Variants in BICD1 observed in about 807,000 individuals in gnomAD.
BICD1 encodes BICD cargo adaptor 1.
Under a neutral mutation model 92.5 loss-of-function variants are expected in BICD1, and 35 were observed. The observed-to-expected ratio is 0.38, with a 90% CI of 0.29 to 0.50. BICD1 has a LOEUF of 0.50. Among genes scored for constraint, BICD1 ranks in the 20% least tolerant of loss-of-function variants. BICD1 has a pLI of 0.93. For missense variants in BICD1, 950 were observed against 1,189.8 expected, an observed-to-expected ratio of 0.80 and a Z score of 2.97; for synonymous variants, 429 against 465.1, an observed-to-expected ratio of 0.92 and a Z score of 1.00.
chr12:32,357,411 T>C (rs888803478), intron 8 of BICD1, among the ~76,000 whole-genome samples: 1 of 152,162 alleles, frequency 6.6e-6, no homozygotes, highest in African/African-American at 2.4e-5. Context: ...ACTCTTGGAT[T>C]GCTTAATTTT....
At chr12:32,153,232 T>C (rs1428204566) in intron 1 of BICD1, among the ~76,000 whole-genome samples, 1 of 152,232 alleles carries the variant, frequency 6.6e-6, no homozygotes. Context: ...TCTATGTTGC[T>C]GCAAAGGACA....
chr12:32,253,043 C>T (rs1175182425), intron 2 of BICD1, among the ~76,000 whole-genome samples: 1 of 151,986 alleles, frequency 6.6e-6, no homozygotes, highest in African/African-American at 2.4e-5. Flanking sequence ...CCACCGCACC[C>T]AGGTAATTTT....
chr12:32,328,486 A>G lies in BICD1; in HGVS notation c.2031A>G (p.Leu677=). The G allele has an allele frequency of 6.2e-7, 1 of 1,614,208 alleles. No individual in the cohort carries two copies. The change falls in exon 5 of 10, where the codon CTA becomes CTG. Residue 677 remains leucine, a synonymous_variant. Coordinates refer to ENST00000652176, the MANE Select transcript of BICD1 (RefSeq NM_001714.4). The surrounding 1 kb of genome is among the most constrained non-coding windows in gnomAD (Gnocchi z 4.4). ...CCTTAATGGAAGAGATCCTCAAGCT[A>G]AAGTCCCTGCTGAGCACCAAACGGG... The part of the protein sequence containing the change: ...KEALMEEILK[L]KSLLSTKREQ...
chr12:32,218,369 G>A (rs1273940840), intron 2 of BICD1, among the ~76,000 whole-genome samples: 2 of 152,136 alleles, frequency 1.3e-5, no homozygotes, highest in African/African-American at 2.4e-5. Flanking sequence ...CCATGAACAC[G>A]GGGCCCCCTC....
intron 1 of BICD1, among the ~76,000 whole-genome samples, chr12:32,139,900 T>C (rs528543825): frequency 8.5e-5 from 13 of 152,204 alleles, no homozygotes; most frequent in African/African-American, 2.6e-4. Context: ...AACAGAAAAC[T>C]TGTTGGCGTG....
intron 4 of BICD1, among the ~76,000 whole-genome samples, chr12:32,315,681 C>T (rs1296739825): frequency 6.6e-6 from 1 of 152,068 alleles, no homozygotes; most frequent in Non-Finnish European, 1.5e-5. Context: ...TGGTCCTTGA[C>T]TTGTGAATGT....
At chr12:32,365,190 T>C (rs1247186972) in intron 8 of BICD1, among the ~76,000 whole-genome samples, 1 of 152,222 alleles carries the variant, frequency 6.6e-6, no homozygotes, top group African/African-American at 2.4e-5. Flanking sequence ...TGAGCCGAGA[T>C]TGTGCCATTG....
rs1467776742 is a variant in BICD1, at chr12:32,327,913, G to C, written c.1458G>C (p.Glu486Asp). 7 of 1,614,018 alleles carry C rather than the reference G, an allele frequency of 4.3e-6. No individual in the cohort carries two copies. Among genetic ancestry groups the C allele is most frequent in the Non-Finnish European group, 5.9e-6 (7 of 1,180,050 alleles). ...AGAAGATGGCCCACATGGAGAAGGA[G>C]TTGCAAAAGATGACCAGCATAGCCA... ...SGEKMAHMEK[E>D]LQKMTSIANE... The change falls in exon 5 of 10, where the codon GAG (glutamate) becomes GAC (aspartate). Residue 486 changes from glutamate to aspartate, a missense_variant. Around this residue, in one of 5 missense-constraint regions of BICD1, gnomAD observed 309 missense variants for 499.4 expected, o/e 0.62. Transcript: ENST00000652176.
chr12:32,314,273 C>T (rs573142026), intron 4 of BICD1, among the ~76,000 whole-genome samples: 4 of 151,990 alleles, frequency 2.6e-5, no homozygotes, highest in Non-Finnish European at 5.9e-5. Flanking sequence ...GTTTTAATTC[C>T]CGGGGGAGTT....
intron 1 of BICD1, among the ~76,000 whole-genome samples, chr12:32,178,212 C>T (rs1035231333): frequency 6.6e-6 from 1 of 151,854 alleles, no homozygotes; most frequent in Admixed American, 6.6e-5. Flanking sequence ...TTCTATTTGT[C>T]ACCGTCAGAG....
intron 6 of BICD1, among the ~76,000 whole-genome samples, chr12:32,335,036 A>G (rs1565679415): frequency 6.6e-6 from 1 of 152,220 alleles, no homozygotes; most frequent in East Asian, 1.9e-4. Flanking sequence ...CACCTCTGAA[A>G]TAGAGTTCTG....
chr12:32,308,461 T>C (rs1948289571), intron 4 of BICD1, among the ~76,000 whole-genome samples: 1 of 152,228 alleles, frequency 6.6e-6, no homozygotes, highest in South Asian at 2.1e-4. Context: ...ATGAGTTATA[T>C]GCAGAGTGCT....
At chr12:32,124,499 G>A (rs903337311) in intron 1 of BICD1, among the ~76,000 whole-genome samples, 8 of 152,118 alleles carry the variant, frequency 5.3e-5, no homozygotes, top group African/African-American at 1.9e-4. Flanking sequence ...GCATGTGAAG[G>A]ATTTAATACA....
At chr12:32,299,133 A>C (rs189326798) in intron 3 of BICD1, among the ~76,000 whole-genome samples, 2 of 152,208 alleles carry the variant, frequency 1.3e-5, no homozygotes, top group Non-Finnish European at 2.9e-5. Flanking sequence ...TAGAGTTCCT[A>C]AGCTCTGAAA....
At chr12:32,158,229 C>T (rs1323441936) in intron 1 of BICD1, among the ~76,000 whole-genome samples, 1 of 151,942 alleles carries the variant, frequency 6.6e-6, no homozygotes, top group East Asian at 1.9e-4. Context: ...CCTCAGCCTC[C>T]TGAGTAGCTG....
At chr12:32,255,661 G>A (rs965402602) in intron 2 of BICD1, among the ~76,000 whole-genome samples, 7 of 152,164 alleles carry the variant, frequency 4.6e-5, no homozygotes, top group Admixed American at 1.3e-4. Flanking sequence ...ACTGGCCTGC[G>A]TGCTGCTGCT....
intron 1 of BICD1, among the ~76,000 whole-genome samples, chr12:32,196,330 C>T (rs549624837): frequency 2.6e-5 from 4 of 152,142 alleles, no homozygotes; most frequent in Non-Finnish European, 4.4e-5. Flanking sequence ...GACATCTGCA[C>T]CCCATGTTCA....
Position 32,337,887 on chromosome 12 carries a change from T to C in BICD1, c.2570+71T>C. On this transcript the variant is annotated intron_variant, in intron 7 of 9. Transcript: ENST00000652176. This position sits in a 1 kb window ranked among gnomAD's most constrained non-coding sequence, Gnocchi z 4.7. ...TAGTTAACTGCAAAAATAAATGTGCTCTTGTTGTGGAGGATGGAGGAGGGG... is the reference window on the plus strand; with the variant it reads ...TAGTTAACTGCAAAAATAAATGTGCCCTTGTTGTGGAGGATGGAGGAGGGG... 1 of 1,540,078 alleles carries C rather than the reference T, an allele frequency of 6.5e-7. No homozygotes were observed. The highest frequency in any genetic ancestry group is 9.0e-7 in the Non-Finnish European group (1 of 1,116,102).
chr12:32,304,126 G>A (rs560650943), intron 3 of BICD1, among the ~76,000 whole-genome samples: 3 of 152,020 alleles, frequency 2.0e-5, no homozygotes, highest in Non-Finnish European at 4.4e-5. Flanking sequence ...TCTTGCTTAG[G>A]TGTCTGTTAC....
Sources: allele counts gnomAD v4.1 joint callset (sites outside exome capture counted in the v4.1 genomes callset), GRCh38; gene constraint gnomAD v4.1.1; regional missense constraint gnomAD v4.1.1; non-coding constraint Gnocchi (gnomAD v3.1); transcripts MANE v1.5; gene names NCBI Gene and HGNC (gene_info 2026-07-23, HGNC 2026-07-21).